Variants in ANLN observed in about 807,000 individuals in gnomAD.
ANLN encodes the protein anillin.
Under a neutral mutation model 135.1 loss-of-function variants are expected in ANLN, and 59 were observed. The observed-to-expected ratio is 0.44, with a 90% confidence interval of 0.35 to 0.54. The LOEUF (loss-of-function observed/expected upper bound fraction) is 0.54. Among genes scored for constraint, ANLN ranks in the 20% least tolerant of loss-of-function variants. The pLI, the probability that ANLN is intolerant of heterozygous loss-of-function variation, is 0.00. For synonymous variants in ANLN, 406 were observed against 456.4 expected, an observed-to-expected ratio of 0.89 and a Z score of 1.41; for missense variants, 1,182 against 1,340.0, an observed-to-expected ratio of 0.88 and a Z score of 1.84.
chr7:36,416,618 T>C lies in ANLN; in HGVS notation c.1523-462T>C, dbSNP rs183550933. Among the ~76,000 whole-genome samples the C allele has an allele frequency of 3.9e-4, 60 of 152,264 alleles. 1 individual carries two copies. The East Asian group carries it at 0.011, about 28-fold the overall frequency. ...AGTAATTTTATTGGCACTTTGTTTT[T>C]AAAGTAAAAAACAAATTGCAGAGTA... On this transcript the variant is annotated intron_variant, in intron 8 of 23. Coordinates refer to ENST00000265748, the MANE Select transcript of ANLN (RefSeq NM_018685.5).
chr7:36,421,822 G>A (rs1787887686), intron 12 of ANLN, 35 bp from the exon 13 acceptor site: 2 of 1,551,472 alleles, frequency 1.3e-6, no homozygotes, highest in Non-Finnish European at 8.7e-7. Flanking sequence ...GATTTAAAAT[G>A]TGTATATTTT....
rs186947930 is a variant in ANLN, at chr7:36,392,000, C to T, written c.18+1956C>T. Among the ~76,000 whole-genome samples the T allele has an allele frequency of 3.8e-4, 57 of 151,624 alleles. 1 individual carries two copies. In the East Asian group the frequency reaches 0.011, roughly 29 times the overall value. On this transcript the variant is annotated intron_variant, in intron 1 of 23. Coordinates refer to ENST00000265748, the MANE Select transcript of ANLN (RefSeq NM_018685.5). ...GTCGCCCAGGTGACAAAACCATAAA[C>T]TCACTACTCATAACGTCAAGAGTTT...
intron 20 of ANLN, among the ~76,000 whole-genome samples, chr7:36,427,395 G>C (rs1788129303): frequency 6.6e-6 from 1 of 151,288 alleles, no homozygotes; most frequent in Non-Finnish European, 1.5e-5. Flanking sequence ...TTGTTTTTGA[G>C]ACAGGGTCTC....
In ANLN at chr7:36,421,962, G is replaced by C; in HGVS notation, c.2269G>C (p.Ala757Pro). 1.2e-6 allele frequency: 2 copies of C among 1,613,572 alleles called. No individual in the cohort carries two copies. The highest frequency in any genetic ancestry group is 1.7e-6 in the Non-Finnish European group (2 of 1,179,760). The change falls in exon 13 of 24, where the codon GCT becomes CCT. Residue 757 changes from alanine to proline, a missense_variant. Ala to Pro is a conservative substitution (Grantham distance 27). Around this residue, in one of 3 missense-constraint regions of ANLN, gnomAD observed 1,022 missense variants for 1,134.0 expected, o/e 0.90. Coordinates refer to ENST00000265748, the MANE Select transcript of ANLN (RefSeq NM_018685.5). ...ACATGGAAAAGGGTCCCTAGAAGAA[G>C]CTGAAGCAGAAAGACTTCTTCTAAT... ...EEHGKGSLEE[A>P]EAERLLLIAT...
intron 21 of ANLN, among the ~76,000 whole-genome samples, 163 bp from the exon 22 acceptor site, chr7:36,443,592 T>A (rs1788866495): frequency 1.3e-5 from 2 of 152,182 alleles, no homozygotes; most frequent in Non-Finnish European, 1.5e-5. Flanking sequence ...GAATAATCAG[T>A]GATTTTTATT....
chr7:36,430,923 C>T (rs1305871051), intron 20 of ANLN, among the ~76,000 whole-genome samples: 1 of 152,158 alleles, frequency 6.6e-6, no homozygotes, highest in Non-Finnish European at 1.5e-5. Flanking sequence ...AAGTCTCCCT[C>T]CACACTCAAC....
chr7:36,429,576 G>A (rs1384834251), intron 20 of ANLN, among the ~76,000 whole-genome samples: 1 of 152,154 alleles, frequency 6.6e-6, no homozygotes, highest in East Asian at 1.9e-4. Flanking sequence ...TGGTTAAAGA[G>A]ATGCTAATTA....
At chr7:36,434,782 C>T (rs964678534) in intron 20 of ANLN, among the ~76,000 whole-genome samples, 2 of 152,134 alleles carry the variant, frequency 1.3e-5, no homozygotes, top group Admixed American at 1.3e-4. Context: ...ACGAGAATTG[C>T]TTGAACCTGG....
chr7:36,390,053 GT>G lies in ANLN; in HGVS notation c.18+12del, dbSNP rs1298351989. On this transcript the variant is annotated intron_variant, in intron 1 of 23. Coordinates refer to ENST00000265748, the MANE Select transcript of ANLN (RefSeq NM_018685.5). ...TGGATCCGTTTACGGAGGTGAGTGA[GT>G]TTGCGGGTGCAGCCAGCCATGACCC... 1.9e-6 allele frequency: 3 copies of G among 1,613,652 alleles called. No homozygotes were observed. The highest frequency in any genetic ancestry group is 2.7e-5 in the African/African-American group (2 of 74,932).
At chr7:36,396,510 C>A in intron 2 of ANLN, 91 bp downstream of exon 2, 2 of 1,308,858 alleles carry the variant, frequency 1.5e-6, no homozygotes, top group Non-Finnish European at 2.0e-6. Flanking sequence ...ATAGAAGAAC[C>A]AAGCTCTTTG....
intron 23 of ANLN, among the ~76,000 whole-genome samples, chr7:36,451,578 A>G (rs956420759): frequency 2.0e-5 from 3 of 152,224 alleles, no homozygotes; most frequent in East Asian, 3.8e-4. Context: ...GACAACAGAG[A>G]TGAATGAGTA....
In ANLN at chr7:36,419,288, A is replaced by G. The variant is rs987411606; in HGVS notation, c.1678A>G (p.Asn560Asp). Residue 560 changes from asparagine (N) to aspartate (D), a missense_variant, in exon 10 of 24, where the codon AAT becomes GAT. By Grantham distance (23) the Asn-to-Asp change is conservative. Coordinates refer to ENST00000265748, the MANE Select transcript of ANLN (RefSeq NM_018685.5). Reference sequence around the variant, plus strand: ...GATGAGTGTGGATGATGATGATATCAATAGTTCGAAAGTAATTAATGACCT... The same window carrying G: ...GATGAGTGTGGATGATGATGATATCGATAGTTCGAAAGTAATTAATGACCT... ...IEMSVDDDDI[N>D]SSKVINDLFS... 4 of 1,614,026 alleles carry G rather than the reference A, an allele frequency of 2.5e-6. No individual in the cohort carries two copies. The highest frequency in any genetic ancestry group is 1.3e-5 in the African/African-American group (1 of 74,932).
At chr7:36,402,058 C>T (rs2116543923) in intron 3 of ANLN, among the ~76,000 whole-genome samples, 1 of 117,630 alleles carries the variant, frequency 8.5e-6, no homozygotes, top group East Asian at 2.2e-4. Context: ...ATGGAGTAGC[C>T]CTGCTCTGCA....
At chr7:36,418,500 C>T (rs1787739787) in intron 9 of ANLN, among the ~76,000 whole-genome samples, 1 of 152,140 alleles carries the variant, frequency 6.6e-6, no homozygotes. Context: ...ATCATAATAC[C>T]ACAAGGTGTT....
At chr7:36,415,044 T>C (rs763163553) in intron 7 of ANLN, among the ~76,000 whole-genome samples, 7 of 152,280 alleles carry the variant, frequency 4.6e-5, no homozygotes, top group Non-Finnish European at 7.3e-5. Flanking sequence ...TTTACTCTTA[T>C]TTGATTATTT....
At chr7:36,420,431 A>G in intron 11 of ANLN, 117 bp downstream of exon 11, 1 of 1,392,124 alleles carries the variant, frequency 7.2e-7, no homozygotes, top group East Asian at 2.3e-5. Context: ...AAAAGTTTGG[A>G]ATAACTTTTG....
intron 3 of ANLN, among the ~76,000 whole-genome samples, chr7:36,404,595 G>A (rs1001884736): frequency 2.0e-5 from 3 of 152,286 alleles, no homozygotes; most frequent in East Asian, 1.9e-4. Context: ...CAACCTCAGC[G>A]TATTATTTTC....
chr7:36,412,334 T>G (rs1367843922), intron 7 of ANLN, among the ~76,000 whole-genome samples: 2 of 142,686 alleles, frequency 1.4e-5, no homozygotes, highest in Non-Finnish European at 3.1e-5. Flanking sequence ...TATATTTTTT[T>G]TTTTTTTTTT....
intron 1 of ANLN, among the ~76,000 whole-genome samples, chr7:36,394,644 G>C (rs1422335585): frequency 6.6e-6 from 1 of 151,912 alleles, no homozygotes; most frequent in Non-Finnish European, 1.5e-5. Flanking sequence ...AAGAAGAGTA[G>C]AGAGTGTGCC....
Sources: gnomAD v4.1 joint callset for allele counts (sites outside exome capture counted in the v4.1 genomes callset) on GRCh38, gnomAD v4.1.1 for gene constraint, gnomAD v4.1.1 regional missense constraint, MANE v1.5 for transcripts, NCBI Gene and HGNC (gene_info 2026-07-23, HGNC 2026-07-21) for gene names.